Variants in DGKB observed in about 807,000 individuals in gnomAD.
DGKB encodes diacylglycerol kinase beta.
DGKB carries 67 observed loss-of-function variants against 114.3 expected under a neutral mutation model. The observed-to-expected ratio is 0.59, with a 90% confidence interval of 0.48 to 0.72. The LOEUF (loss-of-function observed/expected upper bound fraction) is 0.72, where lower values mean the gene tolerates loss of function less well. Ranked by LOEUF, DGKB falls within the 30% of genes least tolerant of loss-of-function variation. The pLI is 0.00. For synonymous variants in DGKB, 398 were observed against 323.1 expected (o/e 1.23, Z -2.49); for missense variants, 907 against 975.2 (o/e 0.93, Z 0.93).
chr7:14,332,136 T>C (rs1809831092), intron 23 of DGKB, among the ~76,000 whole-genome samples: 1 of 152,010 alleles, frequency 6.6e-6, no homozygotes, highest in South Asian at 2.1e-4. Context: ...CCATGAAAGA[T>C]AGTAGCTAGC....
chr7:14,720,290 C>CT (rs1446184626), intron 5 of DGKB, among the ~76,000 whole-genome samples: 2 of 151,816 alleles, frequency 1.3e-5, no homozygotes, highest in African/African-American at 4.8e-5. Context: ...TCTTTCCATC[C>CT]TTTTTTATTT....
At chr7:14,698,374 A>G (rs1568846) in intron 7 of DGKB, among the ~76,000 whole-genome samples, 62,895 of 151,936 alleles carry the variant, frequency 0.41, 14,943 homozygotes, top group East Asian at 0.87. Context: ...TATCTTGTAC[A>G]TTGTCTAGAA....
At chr7:14,652,181 C>T (rs868208296) in intron 13 of DGKB, among the ~76,000 whole-genome samples, 23 of 144,994 alleles carry the variant, frequency 1.6e-4, no homozygotes, top group African/African-American at 4.8e-4. Flanking sequence ...AAAAAGAGCC[C>T]ACATCACCAA....
At chr7:14,179,472 T>C (rs1782305401) in intron 23 of DGKB, among the ~76,000 whole-genome samples, 1 of 152,280 alleles carries the variant, frequency 6.6e-6, no homozygotes, top group East Asian at 1.9e-4. Context: ...AAGAAAGCCA[T>C]GTAATAGTTG....
At chr7:14,222,972 G>A (rs1405521919) in intron 23 of DGKB, among the ~76,000 whole-genome samples, 2 of 151,490 alleles carry the variant, frequency 1.3e-5, no homozygotes, top group Non-Finnish European at 3.0e-5. Flanking sequence ...TGTGATTGCT[G>A]TTTGCATGAT....
At chr7:14,685,158 G>C (rs1279805021) in intron 10 of DGKB, 87 bp downstream of exon 10, 3 of 823,416 alleles carry the variant, frequency 3.6e-6, no homozygotes, top group Non-Finnish European at 6.2e-6. Context: ...TCAGATCTTA[G>C]GTCTCCATTT....
intron 23 of DGKB, among the ~76,000 whole-genome samples, chr7:14,178,865 G>C (rs138451787): frequency 2.0e-5 from 3 of 151,306 alleles, no homozygotes; most frequent in Admixed American, 6.6e-5. Flanking sequence ...AAGAGTTGTC[G>C]CTTGTTGAGT....
chr7:14,177,789 T>C (rs1037568784), intron 24 of DGKB, among the ~76,000 whole-genome samples: 8 of 152,248 alleles, frequency 5.3e-5, no homozygotes, highest in Admixed American at 4.6e-4. Flanking sequence ...TTTGAATTCG[T>C]GCATCAATAT....
intron 17 of DGKB, among the ~76,000 whole-genome samples, chr7:14,601,690 C>T (rs1803574842): frequency 2.0e-5 from 3 of 152,118 alleles, no homozygotes; most frequent in Admixed American, 1.3e-4. Flanking sequence ...CATGGTATTT[C>T]ATCACTCTAA....
intron 20 of DGKB, among the ~76,000 whole-genome samples, chr7:14,514,362 C>A (rs907955936): frequency 6.6e-6 from 1 of 152,062 alleles, no homozygotes; most frequent in Admixed American, 6.6e-5. Flanking sequence ...TTGAAATAAT[C>A]TTTTGAAAAA....
At chr7:14,428,172 GAT>G (rs926259502) in intron 21 of DGKB, among the ~76,000 whole-genome samples, 15 of 151,244 alleles carry the variant, frequency 9.9e-5, no homozygotes, top group Admixed American at 4.0e-4. Flanking sequence ...CTTTTTCTGT[GAT>G]ATATATATAT....
chr7:14,949,601 T>C (rs938297206), intron 1 of DGKB, among the ~76,000 whole-genome samples: 13 of 151,922 alleles, frequency 8.6e-5, no homozygotes, highest in African/African-American at 2.2e-4. Flanking sequence ...AAAGTAATAA[T>C]ACCTGAACAC....
chr7:14,817,856 T>G (rs1844378838), intron 2 of DGKB, among the ~76,000 whole-genome samples: 1 of 152,052 alleles, frequency 6.6e-6, no homozygotes, highest in Non-Finnish European at 1.5e-5. Flanking sequence ...TATTGAAACA[T>G]ATTAAAGCAA....
intron 13 of DGKB, among the ~76,000 whole-genome samples, chr7:14,641,008 A>G (rs1460763134): frequency 1.3e-5 from 2 of 152,108 alleles, no homozygotes; most frequent in Admixed American, 6.5e-5. Flanking sequence ...CCCAACCCCA[A>G]ATTTCTTTGA....
At chr7:14,376,724 C>G (rs1239939577) in intron 21 of DGKB, among the ~76,000 whole-genome samples, 1 of 152,156 alleles carries the variant, frequency 6.6e-6, no homozygotes, top group African/African-American at 2.4e-5. Context: ...TGTTTGAATA[C>G]TAAACGTGTG....
At chr7:14,521,320 A>C (rs770414616) in intron 20 of DGKB, among the ~76,000 whole-genome samples, 2 of 152,034 alleles carry the variant, frequency 1.3e-5, no homozygotes, top group Non-Finnish European at 2.9e-5. Flanking sequence ...ACAACTCACT[A>C]TTCAAAAAAT....
intron 23 of DGKB, among the ~76,000 whole-genome samples, chr7:14,323,223 A>T (rs1452420786): frequency 6.6e-6 from 1 of 152,208 alleles, no homozygotes; most frequent in African/African-American, 2.4e-5. Context: ...ATTCTACTAT[A>T]AAATATAAAA....
At chr7:14,572,097 G>A (rs1798469764) in intron 20 of DGKB, among the ~76,000 whole-genome samples, 1 of 152,022 alleles carries the variant, frequency 6.6e-6, no homozygotes, top group Non-Finnish European at 1.5e-5. Context: ...TGACTTCACA[G>A]ACAAATACTT....
At chr7:14,520,869 A>G (rs1177240800) in intron 20 of DGKB, among the ~76,000 whole-genome samples, 1 of 152,076 alleles carries the variant, frequency 6.6e-6, no homozygotes, top group Non-Finnish European at 1.5e-5. Context: ...TTAATCTGGG[A>G]AGGTCTGTCC....
Sources: allele counts gnomAD v4.1 joint callset (sites outside exome capture counted in the v4.1 genomes callset), GRCh38; gene constraint gnomAD v4.1.1; transcripts MANE v1.5; gene names NCBI Gene and HGNC (gene_info 2026-07-23, HGNC 2026-07-21).